The following CFAP46 variants were observed in gnomAD, a reference collection of about 807,000 sequenced individuals.
CFAP46 encodes the protein cilia and flagella associated protein 46.
In CFAP46, 245 loss-of-function variants were observed where a neutral mutation model predicts 325.7. The observed-to-expected ratio is 0.75, with a 90% confidence interval of 0.68 to 0.84. The LOEUF (loss-of-function observed/expected upper bound fraction) is 0.84. Among genes scored for constraint, CFAP46 ranks in the 40% least tolerant of loss-of-function variants. The pLI is 0.00. For missense variants in CFAP46, 3,346 were observed against 3,543.0 expected (o/e 0.94, Z 1.41); for synonymous variants, 1,523 against 1,495.9 (o/e 1.02, Z -0.42).
intron 44 of CFAP46, 32 bp downstream of exon 44, chr10:132,846,025 G>A (rs753086337): frequency 3.8e-6 from 6 of 1,586,392 alleles, no homozygotes; most frequent in South Asian, 1.1e-5. Context: ...CCAGAGCTGG[G>A]GGCAGGTTCA....
rs1431345647 is a variant in CFAP46 at position 132,876,827 on chromosome 10, T to C, written c.4347A>G (p.Ser1449=). The C allele has an allele frequency of 6.5e-7, 1 of 1,549,950 alleles. No homozygotes were observed. The highest frequency in any genetic ancestry group is 1.2e-5 in the South Asian group (1 of 83,988). The part of the protein sequence containing the change: ...QDRSDSTVNP[S]SIQKPTYSLY... ...GTCAACGTACCGGCTTCTGGATACT[T>C]GAGGGGTTCACAGTAGAGTCACTTC... Residue 1449 remains serine (S), a synonymous_variant, in exon 31 of 58, where the codon TCA becomes TCG. Transcript: ENST00000368586. The surrounding 1 kb of genome is among the most constrained non-coding windows in gnomAD (Gnocchi z 4.1).
In CFAP46 at chr10:132,847,006, C is replaced by T. The variant is rs1345145122; in HGVS notation, c.6193G>A (p.Ala2065Thr). The T allele has an allele frequency of 1.5e-5, 24 of 1,610,164 alleles. No individual in the cohort carries two copies. In the East Asian group the frequency reaches 1.6e-4, roughly 10 times the overall value. The change falls in exon 43 of 58, where the codon GCC (alanine) becomes ACC (threonine). Residue 2065 changes from alanine (A) to threonine (T), a missense_variant. By Grantham distance (58) the Ala-to-Thr change is moderately conservative. Transcript: ENST00000368586. The surrounding 1 kb of genome is among the most constrained non-coding windows in gnomAD (Gnocchi z 5.2). ...GSGLLDVAAA[A>T]SLEMVECVGT... ...ACACACTCCACCATCTCCAGGCTGGCGGCTGCTGCGACATCCAGGAGGCCA... is the reference window on the plus strand; with the variant it reads ...ACACACTCCACCATCTCCAGGCTGGTGGCTGCTGCGACATCCAGGAGGCCA...
At chr10:132,831,267 C>T (rs1173540872) in intron 50 of CFAP46, among the ~76,000 whole-genome samples, 9 of 138,022 alleles carry the variant, frequency 6.5e-5, no homozygotes, top group African/African-American at 6.0e-5. Flanking sequence ...ATTCTTCTGC[C>T]GTGGGGGGAA....
Position 132,938,759 on chromosome 10 carries a change from G to A in CFAP46, c.372-6C>T. 2 of 1,610,210 alleles carry A rather than the reference G, an allele frequency of 1.2e-6. No homozygotes were observed. The highest frequency in any genetic ancestry group is 1.7e-6 in the Non-Finnish European group (2 of 1,178,242). On this transcript the variant is annotated splice_polypyrimidine_tract_variant and splice_region_variant and intron_variant, in intron 4 of 57. Coordinates refer to ENST00000368586, the MANE Select transcript of CFAP46 (RefSeq NM_001200049.3). ...TGTACACCAAAAAGTAGTACCTGCG[G>A]CGCGAGCAGAGGAAGCAGAGAGCAC...
intron 24 of CFAP46, among the ~76,000 whole-genome samples, chr10:132,894,215 CT>C (rs1849292025): frequency 6.6e-6 from 1 of 152,228 alleles, no homozygotes; most frequent in South Asian, 2.1e-4. Flanking sequence ...TTCTGAAATA[CT>C]AAGTCACAAA....
intron 55 of CFAP46, among the ~76,000 whole-genome samples, chr10:132,812,571 C>T (rs1847602262): frequency 6.6e-6 from 1 of 151,376 alleles, no homozygotes; most frequent in South Asian, 2.1e-4. Context: ...GTGGCTGCCA[C>T]GTCTGTGTGG....
In CFAP46 at chr10:132,919,317, C is replaced by T. The variant is rs533858472; in HGVS notation, c.1856G>A (p.Arg619Gln). Residue 619 changes from arginine to glutamine, a missense_variant and splice_region_variant, in exon 15 of 58, where the codon CGA becomes CAA. Coordinates refer to ENST00000368586, the MANE Select transcript of CFAP46 (RefSeq NM_001200049.3). The surrounding 1 kb of genome is among the most constrained non-coding windows in gnomAD (Gnocchi z 9.7). ...CACTCGTGAGGGCGGGTACGAACCT[C>T]GCCGCAGCCTCAACTTCTTCACCTT... ...NVKVKKLRLR[R>Q]GKKKRGRDGS... 92 of 1,549,560 alleles carry T rather than the reference C, an allele frequency of 5.9e-5. No homozygotes were observed. In the African/African-American group the frequency reaches 8.2e-4, roughly 14 times the overall value.
intron 2 of CFAP46, 74 bp from the exon 3 acceptor site, chr10:132,941,796 C>T (rs1850107136): frequency 1.3e-6 from 2 of 1,591,232 alleles, no homozygotes; most frequent in South Asian, 2.3e-5. Context: ...ACCACGGGCC[C>T]GCTTTCAGAA....
At chr10:132,854,763 A>C (rs1324106617) in intron 39 of CFAP46, among the ~76,000 whole-genome samples, 1 of 151,830 alleles carries the variant, frequency 6.6e-6, no homozygotes, top group East Asian at 1.9e-4. Flanking sequence ...ATTCCACGAC[A>C]TTTTCATCAC....
At chr10:132,898,171 C>T (rs1195931080) in intron 24 of CFAP46, among the ~76,000 whole-genome samples, 1 of 152,200 alleles carries the variant, frequency 6.6e-6, no homozygotes, top group Non-Finnish European at 1.5e-5. Flanking sequence ...GACCCCAACC[C>T]GAGAGTCTCA....
rs1849127424 is a variant in CFAP46 at position 132,886,106 on chromosome 10, G to A, written c.3305-147C>T. ...TGCCCAGGCCAGCGCATGCCCCGCA[G>A]GGCTGAAGTGAGCTGTGGACCTGCA... On this transcript the variant is annotated intron_variant, in intron 25 of 57. Transcript: ENST00000368586. The surrounding 1 kb of genome is among the most constrained non-coding windows in gnomAD (Gnocchi z 5.8). 10 of 1,140,956 alleles carry A rather than the reference G, an allele frequency of 8.8e-6. No homozygotes were observed. Among genetic ancestry groups the A allele is most frequent in the Non-Finnish European group, 1.2e-5 (10 of 817,276 alleles). 70.7% of individuals were successfully genotyped at this position (1,140,956 alleles called of 1,614,324 possible).
chr10:132,942,356 T>TCCCCGGGGCGGGGATCGTGGCGGGTC, intron 1 of CFAP46, 80 bp downstream of exon 1: 1 of 952,526 alleles, frequency 1.0e-6, no homozygotes, highest in Non-Finnish European at 1.4e-6. Context: ...GATGAGAGGG[T>TCCCCGGGGCGGGGATCGTGGCGGGTC]CCGGGGCCTC....
chr10:132,911,723 C>T (rs547703425), intron 19 of CFAP46, among the ~76,000 whole-genome samples: 26 of 152,308 alleles, frequency 1.7e-4, no homozygotes, highest in African/African-American at 6.0e-4. Context: ...ATAAATGATC[C>T]GCCTGGGCCA....
chr10:132,941,949 G>C lies in CFAP46; in HGVS notation c.174+31C>G, dbSNP rs201708629. ...GGCCCTCCCTCTCCCTGTCAAAGCT[G>C]CCCTGACCGAGGATCCCGGGAACTA... On this transcript the variant is annotated intron_variant, in intron 2 of 57. Coordinates refer to ENST00000368586, the MANE Select transcript of CFAP46 (RefSeq NM_001200049.3). 3.5e-4 allele frequency: 536 copies of C among 1,550,604 alleles called. 4 individuals carry two copies. The Admixed American group carries it at 6.2e-3, about 18-fold the overall frequency.
intron 31 of CFAP46, among the ~76,000 whole-genome samples, chr10:132,873,477 G>A (rs113818591): frequency 0.026 from 3,967 of 152,114 alleles, 165 homozygotes; most frequent in African/African-American, 0.089. Flanking sequence ...CTGGCTGTCA[G>A]GCACTGAGGC....
At chr10:132,898,125 A>G (rs1331447503) in intron 24 of CFAP46, among the ~76,000 whole-genome samples, 1 of 152,214 alleles carries the variant, frequency 6.6e-6, no homozygotes, top group Non-Finnish European at 1.5e-5. Context: ...GAGAGCTCAG[A>G]GTGGGCTGGT....
At chr10:132,862,070 C>G (rs1401568186) in intron 35 of CFAP46, among the ~76,000 whole-genome samples, 2 of 152,264 alleles carry the variant, frequency 1.3e-5, no homozygotes, top group Non-Finnish European at 2.9e-5. Flanking sequence ...GCTGTGACCG[C>G]CAGACGGCGT....
chr10:132,906,896 C>G (rs1849465010), intron 22 of CFAP46, among the ~76,000 whole-genome samples: 1 of 152,160 alleles, frequency 6.6e-6, no homozygotes, highest in Non-Finnish European at 1.5e-5. Flanking sequence ...GCGCGTGATG[C>G]CCCGTGCTGG....
chr10:132,808,791 A>T lies in CFAP46; in HGVS notation c.7778T>A (p.Val2593Glu), dbSNP rs1847517917. The T allele has an allele frequency of 1.9e-6, 3 of 1,602,344 alleles. No individual in the cohort carries two copies. Among genetic ancestry groups the T allele is most frequent in the Non-Finnish European group, 2.6e-6 (3 of 1,174,984 alleles). ...VWAAAPSHRVVQAWTCLPSAA... is the reference protein window; with the variant it reads ...VWAAAPSHRVEQAWTCLPSAA... ...TGATGGGAGGCAGGTCCAGGCCTGC[A>T]CTACCCGATGGCTTGGTGCGGCAGC... The change falls in exon 58 of 58, where the codon GTG becomes GAG. Residue 2593 changes from valine (V) to glutamate (E), a missense_variant. Physicochemically the swap from Val to Glu is moderately radical, Grantham distance 121. Coordinates refer to ENST00000368586, the MANE Select transcript of CFAP46 (RefSeq NM_001200049.3). The surrounding 1 kb of genome is among the most constrained non-coding windows in gnomAD (Gnocchi z 6.8).
Sources: allele counts gnomAD v4.1 joint callset (sites outside exome capture counted in the v4.1 genomes callset), GRCh38; gene constraint gnomAD v4.1.1; non-coding constraint Gnocchi (gnomAD v3.1); transcripts MANE v1.5; gene names NCBI Gene and HGNC (gene_info 2026-07-23, HGNC 2026-07-21).